Variants in AMY2B observed in about 807,000 individuals in gnomAD.
The protein encoded by AMY2B is alpha-amylase 2B.
A neutral mutation model predicts 59.3 loss-of-function variants in AMY2B; 63 were observed. The ratio of observed to expected loss-of-function variants is 1.06; its 90% confidence interval spans 0.87 to 1.31. The LOEUF is 1.31. Among genes scored for constraint, AMY2B ranks in the 50% most tolerant of loss-of-function variants. The pLI, the probability that AMY2B is intolerant of heterozygous loss-of-function variation, is 0.00. For missense variants in AMY2B, 635 were observed against 626.7 expected (o/e 1.01, Z -0.14); for synonymous variants, 180 against 198.1 (o/e 0.91, Z 0.77).
At chr1:103,562,060 G>T (rs1365645417) in intron 1 of AMY2B, 2 of 152,206 alleles carry the variant, frequency 1.3e-5, no homozygotes, top group East Asian at 3.8e-4. Context: ...TCAACTGTGG[G>T]TTTGGGAGAT....
chr1:103,577,757 C>A lies in AMY2B; in HGVS notation c.1258C>A (p.Pro420Thr), dbSNP rs1279801790. 2 of 1,609,790 alleles carry A rather than the reference C, an allele frequency of 1.2e-6. No homozygotes were observed. Among genetic ancestry groups the A allele is most frequent in the Admixed American group, 3.3e-5 (2 of 60,004 alleles). The part of the protein sequence containing the change: ...VNFRNVVDGQ[P>T]FTNWYDNGSN... ...TTTCCGCAATGTAGTGGATGGCCAG[C>A]CTTTTACAAACTGGTATGATAATGG... The change falls in exon 9 of 10, where the codon CCT becomes ACT. Residue 420 changes from proline (P) to threonine (T), a missense_variant. Coordinates refer to ENST00000684275, the MANE Select transcript of AMY2B (RefSeq NM_001387437.1).
At chr1:103,566,023 A>G (rs1217883802) in intron 2 of AMY2B, among the ~76,000 whole-genome samples, 2 of 152,048 alleles carry the variant, frequency 1.3e-5, no homozygotes, top group African/African-American at 4.8e-5. Context: ...TACCTTTCCA[A>G]ATTTAACTGT....
At chr1:103,558,328 T>G (rs1287738469) in intron 1 of AMY2B, among the ~76,000 whole-genome samples, 2 of 152,208 alleles carry the variant, frequency 1.3e-5, no homozygotes, top group Non-Finnish European at 2.9e-5. Flanking sequence ...TTAGTTTCTT[T>G]TATTACTGCA....
Position 103,573,175 on chromosome 1 carries a change from C to A in AMY2B, c.428C>A (p.Ala143Glu). 6.2e-7 allele frequency: 1 copy of A among 1,613,758 alleles called. No homozygotes were observed. Among genetic ancestry groups the A allele is most frequent in the South Asian group, 1.1e-5 (1 of 91,070 alleles). The change falls in exon 3 of 10, where the codon GCA (alanine) becomes GAA (glutamate). Residue 143 changes from alanine to glutamate, a missense_variant. By Grantham distance (107) the Ala-to-Glu change is moderately radical. Coordinates refer to ENST00000684275, the MANE Select transcript of AMY2B (RefSeq NM_001387437.1). ...YFNPGSRDFP[A>E]VPYSGWDFND... ...AACCCTGGAAGTAGGGACTTTCCAGCAGTCCCATATTCTGGATGGGATTTT... is the reference window on the plus strand; with the variant it reads ...AACCCTGGAAGTAGGGACTTTCCAGAAGTCCCATATTCTGGATGGGATTTT...
In AMY2B at chr1:103,573,279, G is replaced by A. The variant is rs1426055916; in HGVS notation, c.513+19G>A. 6.2e-7 allele frequency: 1 copy of A among 1,613,454 alleles called. No individual in the cohort carries two copies. Among genetic ancestry groups the A allele is most frequent in the Non-Finnish European group, 8.5e-7 (1 of 1,179,496 alleles). On this transcript the variant is annotated intron_variant, in intron 3 of 9. Coordinates refer to ENST00000684275, the MANE Select transcript of AMY2B (RefSeq NM_001387437.1). ...TACTCAGGTAAATTTTTTTATGAGA[G>A]TCATCTGAATAAGGGGTGATATATG...
intron 1 of AMY2B, among the ~76,000 whole-genome samples, chr1:103,559,268 C>T (rs1355121746): frequency 6.6e-6 from 1 of 152,130 alleles, no homozygotes; most frequent in African/African-American, 2.4e-5. Context: ...TATTTAGGTA[C>T]ACAAGTACAC....
upstream of AMY2B, chr1:103,569,420 G>GTGTA (rs1207617372): frequency 4.6e-6 from 1 of 217,854 alleles, no homozygotes; most frequent in Non-Finnish European, 9.3e-6. Context: ...GTGTGTGTGT[G>GTGTA]TGTGTGTGTG....
chr1:103,562,228 T>C (rs913337080), intron 1 of AMY2B: 1 of 152,216 alleles, frequency 6.6e-6, no homozygotes, highest in Non-Finnish European at 1.5e-5. Context: ...AAATCATGTT[T>C]CAGTGCTGTG....
chr1:103,558,882 T>C (rs1651646066), intron 1 of AMY2B, among the ~76,000 whole-genome samples: 1 of 152,182 alleles, frequency 6.6e-6, no homozygotes, highest in South Asian at 2.1e-4. Flanking sequence ...AGAGAAAGGA[T>C]GGTTGCATCT....
intron 1 of AMY2B, among the ~76,000 whole-genome samples, chr1:103,558,069 T>C (rs1018127810): frequency 2.6e-5 from 4 of 152,236 alleles, no homozygotes; most frequent in Non-Finnish European, 5.9e-5. Flanking sequence ...AATATACTAT[T>C]GTTCATAAAT....
At chr1:103,575,608 T>TA in intron 7 of AMY2B, 68 bp downstream of exon 7, 1 of 1,585,534 alleles carries the variant, frequency 6.3e-7, no homozygotes, top group Non-Finnish European at 8.6e-7. Flanking sequence ...TCTAACTTAA[T>TA]ATGACAACTA....
intron 3 of AMY2B, 78 bp from the exon 4 acceptor site, chr1:103,573,629 GA>G: frequency 6.3e-7 from 1 of 1,586,152 alleles, no homozygotes; most frequent in Non-Finnish European, 8.6e-7. Flanking sequence ...AGGAATCATG[GA>G]ATAAATGAAT....
In AMY2B at chr1:103,574,444, T is replaced by C. The variant is rs555648662; in HGVS notation, c.878+51T>C. 2.5e-5 allele frequency: 40 copies of C among 1,607,400 alleles called. No homozygotes were observed. The Admixed American group carries it at 4.7e-4, about 19-fold the overall frequency. On this transcript the variant is annotated intron_variant, in intron 5 of 9. Coordinates refer to ENST00000684275, the MANE Select transcript of AMY2B (RefSeq NM_001387437.1). ...AAGTATTTCATAGATTTATTAGTCA[T>C]AGTACCCCAGTGTGAGTTATCTTCT...
At chr1:103,557,442 A>G (rs1651593340) in intron 1 of AMY2B, among the ~76,000 whole-genome samples, 1 of 152,154 alleles carries the variant, frequency 6.6e-6, no homozygotes. Flanking sequence ...ACGTGAGGTC[A>G]GGATTTTGAG....
chr1:103,564,344 T>C (rs929334754), intron 1 of AMY2B, among the ~76,000 whole-genome samples: 1 of 152,116 alleles, frequency 6.6e-6, no homozygotes, highest in Non-Finnish European at 1.5e-5. Context: ...GCCCCTCTTC[T>C]CTGTCAACTC....
At chr1:103,570,169 G>A, upstream of AMY2B, 1 of 466,220 alleles carries the variant, frequency 2.1e-6, no homozygotes, top group Non-Finnish European at 4.3e-6. Flanking sequence ...TGCCGAGCGG[G>A]AGATCAGACA....
chr1:103,570,034 A>T (rs1012427657), upstream of AMY2B: 22 of 435,278 alleles, frequency 5.1e-5, no homozygotes, highest in African/African-American at 4.1e-4. Flanking sequence ...GGTCACCCAC[A>T]TGGTGCCCAT....
At chr1:103,566,311 C>T (rs192827655) in intron 2 of AMY2B, among the ~76,000 whole-genome samples, 1 of 152,142 alleles carries the variant, frequency 6.6e-6, no homozygotes, top group African/African-American at 2.4e-5. Context: ...TGGACATATC[C>T]CTTCTCTAAC....
chr1:103,571,167 C>T, upstream of AMY2B: 2 of 854,094 alleles, frequency 2.3e-6, no homozygotes, highest in Non-Finnish European at 2.9e-6. Flanking sequence ...CTGTTGTCTG[C>T]CAGAACACCA....
Sources: gnomAD v4.1 joint callset for allele counts (sites outside exome capture counted in the v4.1 genomes callset) on GRCh38, gnomAD v4.1.1 for gene constraint, MANE v1.5 for transcripts, NCBI Gene and HGNC (gene_info 2026-07-23, HGNC 2026-07-21) for gene names.